SLC1A4: variants seen among roughly 807,000 people sequenced by gnomAD.
The protein encoded by SLC1A4 is solute carrier family 1 member 4.
In SLC1A4, 19 loss-of-function variants were observed where a neutral mutation model predicts 37.7. The ratio of observed to expected loss-of-function variants is 0.50; its 90% CI spans 0.35 to 0.74. SLC1A4 has a LOEUF of 0.74. Ranked by LOEUF, SLC1A4 falls within the 30% of genes least tolerant of loss-of-function variation. SLC1A4 has a pLI of 0.01. For synonymous variants in SLC1A4, 299 were observed against 309.8 expected (o/e 0.97, Z 0.37); for missense variants, 570 against 712.9 (o/e 0.80, Z 2.28).
intron 1 of SLC1A4, among the ~76,000 whole-genome samples, chr2:64,991,670 G>A (rs530681264): frequency 2.0e-4 from 31 of 152,186 alleles, no homozygotes; most frequent in Admixed American, 3.9e-4. Flanking sequence ...GTGCGATCTC[G>A]GCTCACTGCA....
At chr2:65,004,821 G>A (rs1673614791) in intron 3 of SLC1A4, among the ~76,000 whole-genome samples, 1 of 152,142 alleles carries the variant, frequency 6.6e-6, no homozygotes, top group African/African-American at 2.4e-5. Flanking sequence ...TTTAAAAGCA[G>A]TGAGATAGAA....
At chr2:65,001,870 C>T (rs1034877587) in intron 2 of SLC1A4, among the ~76,000 whole-genome samples, 3 of 152,064 alleles carry the variant, frequency 2.0e-5, no homozygotes, top group Admixed American at 1.3e-4. Flanking sequence ...AAATAAAATA[C>T]AAAGAAGTGT....
rs376226074 is a variant in SLC1A4 at position 64,996,195 on chromosome 2, C to T, written c.528-5253C>T. Among the ~76,000 whole-genome samples the T allele has an allele frequency of 2.2e-4, 33 of 152,278 alleles. No individual in the cohort carries two copies. The South Asian group carries it at 6.8e-3, about 32-fold the overall frequency. On this transcript the variant is annotated intron_variant, in intron 1 of 7. Coordinates refer to ENST00000234256, the MANE Select transcript of SLC1A4 (RefSeq NM_003038.5). ...TTATGGCATCCACACTATACCCGCC[C>T]CCCAACTCCCACATACTCAAACCAA... is the stretch of plus-strand genomic sequence containing the variant.
chr2:65,008,737 G>T (rs568488711), intron 3 of SLC1A4, among the ~76,000 whole-genome samples: 1 of 152,298 alleles, frequency 6.6e-6, no homozygotes, highest in South Asian at 2.1e-4. Context: ...AGCCTAGAAT[G>T]ATCTCCAAGA....
chr2:64,990,107 T>C lies in SLC1A4; in HGVS notation c.464T>C (p.Leu155Pro). Residue 155 changes from leucine to proline, a missense_variant, in exon 1 of 8, where the codon CTG becomes CCG. Transcript: ENST00000234256. ...AQTLQSSDLGLEDSGPPPVPK... is the reference protein window; with the variant it reads ...AQTLQSSDLGPEDSGPPPVPK... ...ACCCTTCAGTCCAGCGACCTGGGGC[T>C]GGAGGACTCGGGGCCTCCTCCTGTC... The C allele has an allele frequency of 6.2e-7, 1 of 1,611,074 alleles. No individual in the cohort carries two copies. The highest frequency in any genetic ancestry group is 2.2e-5 in the East Asian group (1 of 44,810).
At chr2:65,016,322 C>A (rs1053576437) in intron 4 of SLC1A4, 118 bp from the exon 5 acceptor site, 1 of 801,782 alleles carries the variant, frequency 1.2e-6, no homozygotes, top group South Asian at 1.5e-5. Flanking sequence ...TCGGGGTTAT[C>A]CTAGGGAGAG....
At chr2:65,020,886 A>C (rs759746520) in intron 7 of SLC1A4, 26 bp from the exon 8 acceptor site, 22 of 1,596,044 alleles carry the variant, frequency 1.4e-5, no homozygotes, top group Non-Finnish European at 1.8e-5. Context: ...AGTAGATATA[A>C]TAGCTGCCTC....
Position 64,989,641 on chromosome 2 carries a change from GCCATGGA to G in SLC1A4, c.-2_5del. 6.6e-7 allele frequency: 1 copy of G among 1,514,212 alleles called. No individual in the cohort carries two copies. The highest frequency in any genetic ancestry group is 8.8e-7 in the Non-Finnish European group (1 of 1,139,002). 93.8% of individuals were successfully genotyped at this position (1,514,212 alleles called of 1,614,324 possible). A position where few individuals can be genotyped will look rare whatever the true frequency, so the allele number is the denominator to read the frequency against. On this transcript the variant is annotated start_lost and 5_prime_UTR_variant, in exon 1 of 8. Transcript: ENST00000234256. ...CCTCTAGCTCGGAGCGGCGTGTAGC[GCCATGGA>G]GAAGAGCAACGAGACCAACGGCTAC...
At chr2:64,997,769 C>T (rs1673313870) in intron 1 of SLC1A4, among the ~76,000 whole-genome samples, 1 of 152,136 alleles carries the variant, frequency 6.6e-6, no homozygotes, top group Non-Finnish European at 1.5e-5. Flanking sequence ...GCATACAGTT[C>T]CTTTTTGCAG....
intron 7 of SLC1A4, among the ~76,000 whole-genome samples, chr2:65,019,137 AGAGGAG>A (rs1429967903): frequency 1.3e-5 from 2 of 152,340 alleles, no homozygotes; most frequent in East Asian, 3.9e-4. Context: ...TGGGCTCAGC[AGAGGAG>A]GAGGTAGGGA....
At chr2:65,013,635 G>A (rs953856783) in intron 4 of SLC1A4, among the ~76,000 whole-genome samples, 2 of 152,220 alleles carry the variant, frequency 1.3e-5, no homozygotes, top group African/African-American at 4.8e-5. Context: ...ACTGCAGCAA[G>A]AGAGCGAGAG....
At position 65,022,662 on chromosome 2, in the gene SLC1A4, T is replaced by C. The variant is rs1308908379; in HGVS notation, c.*1516T>C. ...GGACTTTTATCATGCCCTTGTTCTG[T>C]GTGTAGTTACTTGACAGCATCAAAT... is the stretch of plus-strand genomic sequence containing the variant. On this transcript the variant is annotated 3_prime_UTR_variant, in exon 8 of 8. Transcript: ENST00000234256. 1 of 152,182 alleles carries C rather than the reference T, an allele frequency of 6.6e-6. No individual in the cohort carries two copies. Among genetic ancestry groups the C allele is most frequent in the Non-Finnish European group, 1.5e-5 (1 of 68,052 alleles). 9.4% of individuals were successfully genotyped at this position (152,182 alleles called of 1,614,324 possible).
At position 64,989,459 on chromosome 2, in the gene SLC1A4, AC is replaced by A. The variant is rs1672953962; in HGVS notation, c.-182del. ...GCGATCCTCTCCGCCCGCGGCTCCA[AC>A]CCGCACTCTGCGCCTCTCCTCGCCT... On this transcript the variant is annotated 5_prime_UTR_variant, in exon 1 of 8. Coordinates refer to ENST00000234256, the MANE Select transcript of SLC1A4 (RefSeq NM_003038.5). 3 of 474,408 alleles carry A rather than the reference AC, an allele frequency of 6.3e-6. No homozygotes were observed. The highest frequency in any genetic ancestry group is 1.0e-5 in the Non-Finnish European group (3 of 288,094). The allele number at this position is 474,408 out of a possible 1,614,324, so 29.4% of individuals were successfully genotyped here.
At chr2:64,989,388 C>G (rs1444743531), upstream of SLC1A4, 4 of 352,832 alleles carry the variant, frequency 1.1e-5, no homozygotes, top group Non-Finnish European at 2.0e-5. Context: ...TTCGCGGCTC[C>G]CGTTTGCATC....
Position 64,989,565 on chromosome 2 carries a change from G to C in SLC1A4, c.-79G>C. 1 of 1,298,270 alleles carries C rather than the reference G, an allele frequency of 7.7e-7. No individual in the cohort carries two copies. Among genetic ancestry groups the C allele is most frequent in the Non-Finnish European group, 1.0e-6 (1 of 1,002,040 alleles). The allele number at this position is 1,298,270 out of a possible 1,614,324, so 80.4% of individuals were successfully genotyped here. On this transcript the variant is annotated 5_prime_UTR_variant, in exon 1 of 8. Coordinates refer to ENST00000234256, the MANE Select transcript of SLC1A4 (RefSeq NM_003038.5). Reference sequence around the variant, plus strand: ...ACCTGCGGAGCACAACTGGCCGACCGACCCATTCATTGGGAACCCCGTCTT... The same window carrying C: ...ACCTGCGGAGCACAACTGGCCGACCCACCCATTCATTGGGAACCCCGTCTT...
At chr2:65,019,435 G>C (rs943915135) in intron 7 of SLC1A4, among the ~76,000 whole-genome samples, 1 of 152,128 alleles carries the variant, frequency 6.6e-6, no homozygotes, top group Non-Finnish European at 1.5e-5. Context: ...AAATGGGAAT[G>C]ATCATAGCAC....
chr2:64,989,374 C>G, upstream of SLC1A4: 1 of 331,098 alleles, frequency 3.0e-6, no homozygotes, highest in Non-Finnish European at 5.5e-6. Context: ...CGTCTGCGTC[C>G]GCGTTCGCGG....
At chr2:64,988,928 T>G (rs1572935793), upstream of SLC1A4, among the ~76,000 whole-genome samples, 1 of 151,814 alleles carries the variant, frequency 6.6e-6, no homozygotes, top group African/African-American at 2.4e-5. Flanking sequence ...TCTCCTCCTC[T>G]CTTCTCCCCT....
chr2:65,020,237 G>A (rs751438605), intron 7 of SLC1A4, among the ~76,000 whole-genome samples: 2 of 152,148 alleles, frequency 1.3e-5, no homozygotes, highest in African/African-American at 4.8e-5. Context: ...ACACAAAACC[G>A]TATCCACACT....
Sources: allele counts gnomAD v4.1 joint callset (sites outside exome capture counted in the v4.1 genomes callset), GRCh38; gene constraint gnomAD v4.1.1; transcripts MANE v1.5; gene names NCBI Gene and HGNC (gene_info 2026-07-23, HGNC 2026-07-21).